CDYL2: variants seen among roughly 807,000 people sequenced by gnomAD.
CDYL2 encodes chromodomain Y-like protein 2.
In CDYL2, 23 loss-of-function variants were observed where a neutral mutation model predicts 49.4. That is an observed-to-expected ratio of 0.47 (90% CI 0.34 to 0.66). The LOEUF (loss-of-function observed/expected upper bound fraction) is 0.66. Ranked by LOEUF, CDYL2 falls within the 30% of genes least tolerant of loss-of-function variation. CDYL2 has a pLI of 0.01. For synonymous variants in CDYL2, 360 were observed against 268.8 expected (o/e 1.34, Z -3.32); for missense variants, 678 against 656.4 (o/e 1.03, Z -0.36).
chr16:80,638,677 T>A (rs148924383), intron 2 of CDYL2, among the ~76,000 whole-genome samples: 1 of 152,108 alleles, frequency 6.6e-6, no homozygotes, highest in Non-Finnish European at 1.5e-5. Flanking sequence ...CACAGCAATA[T>A]ACCGAGGTGA....
At chr16:80,684,087 A>T (rs898890930) in intron 2 of CDYL2, among the ~76,000 whole-genome samples, 1 of 152,076 alleles carries the variant, frequency 6.6e-6, no homozygotes, top group African/African-American at 2.4e-5. Flanking sequence ...ACGGACCCCA[A>T]CCCAGACCCT....
At chr16:80,650,512 T>A (rs1478443333) in intron 2 of CDYL2, among the ~76,000 whole-genome samples, 1 of 152,190 alleles carries the variant, frequency 6.6e-6, no homozygotes, top group Non-Finnish European at 1.5e-5. Flanking sequence ...TCTCACACAC[T>A]GTTGGTGGGA....
chr16:80,735,751 C>T (rs1459791616), intron 1 of CDYL2, among the ~76,000 whole-genome samples: 1 of 152,192 alleles, frequency 6.6e-6, no homozygotes, highest in African/African-American at 2.4e-5. Context: ...TACTCTGAAG[C>T]CATGGCACTG....
At chr16:80,726,983 G>C (rs1231758938) in intron 1 of CDYL2, among the ~76,000 whole-genome samples, 2 of 152,212 alleles carry the variant, frequency 1.3e-5, no homozygotes, top group Non-Finnish European at 2.9e-5. Flanking sequence ...CTACCCAAGA[G>C]ACTGATGTGG....
At chr16:80,800,736 T>C (rs996960088) in intron 1 of CDYL2, among the ~76,000 whole-genome samples, 14 of 152,034 alleles carry the variant, frequency 9.2e-5, no homozygotes, top group African/African-American at 2.4e-5. Flanking sequence ...AAGGGTACTT[T>C]ATATACTTAA....
At chr16:80,671,949 T>A (rs72806175) in intron 2 of CDYL2, among the ~76,000 whole-genome samples, 3,631 of 152,264 alleles carry the variant, frequency 0.024, 61 homozygotes, top group Middle Eastern at 0.037. Flanking sequence ...GCTACATAAA[T>A]CAAATATTGC....
At chr16:80,762,776 T>G (rs1413666222) in intron 1 of CDYL2, among the ~76,000 whole-genome samples, 1 of 152,162 alleles carries the variant, frequency 6.6e-6, no homozygotes, top group African/African-American at 2.4e-5. Context: ...CTCTGCCTTC[T>G]TGTTTGAGCT....
chr16:80,628,470 G>T (rs1003585680), intron 3 of CDYL2: 1 of 152,370 alleles, frequency 6.6e-6, no homozygotes, highest in East Asian at 1.9e-4. Context: ...CAACAACCAC[G>T]TGGGTGAGCT....
intron 2 of CDYL2, among the ~76,000 whole-genome samples, chr16:80,673,990 G>C (rs1212520904): frequency 6.6e-6 from 1 of 152,164 alleles, no homozygotes; most frequent in Non-Finnish European, 1.5e-5. Context: ...CAAGGAAATG[G>C]ATTCTCCCAC....
At chr16:80,763,186 C>T (rs943903214) in intron 1 of CDYL2, among the ~76,000 whole-genome samples, 1 of 152,128 alleles carries the variant, frequency 6.6e-6, no homozygotes, top group African/African-American at 2.4e-5. Flanking sequence ...AACGATTCAG[C>T]ATTTGCTAAT....
chr16:80,712,056 T>G (rs1904620397), intron 1 of CDYL2, among the ~76,000 whole-genome samples: 1 of 150,438 alleles, frequency 6.6e-6, no homozygotes, highest in South Asian at 2.1e-4. Flanking sequence ...TATATAGATG[T>G]GTGTGTATAG....
At chr16:80,607,524 G>T (rs531212344) in intron 6 of CDYL2, among the ~76,000 whole-genome samples, 1 of 152,186 alleles carries the variant, frequency 6.6e-6, no homozygotes, top group Non-Finnish European at 1.5e-5. Flanking sequence ...CTTCCCACAG[G>T]ATATTCCCCT....
intron 3 of CDYL2, among the ~76,000 whole-genome samples, chr16:80,629,387 G>A (rs1218347963): frequency 6.6e-6 from 1 of 152,186 alleles, no homozygotes; most frequent in Non-Finnish European, 1.5e-5. Context: ...AAGAATAAAG[G>A]TGAACCGGCC....
At chr16:80,635,852 G>A (rs1567549976) in intron 2 of CDYL2, among the ~76,000 whole-genome samples, 1 of 152,120 alleles carries the variant, frequency 6.6e-6, no homozygotes, top group East Asian at 1.9e-4. Flanking sequence ...CATGGTACTG[G>A]TACCAAAACA....
intron 2 of CDYL2, among the ~76,000 whole-genome samples, chr16:80,638,964 T>TA (rs1192698667): frequency 2.0e-5 from 3 of 152,084 alleles, no homozygotes; most frequent in Non-Finnish European, 4.4e-5. Flanking sequence ...ATCCGTGAAA[T>TA]AAAAAATTTT....
At position 80,606,994 on chromosome 16, in the gene CDYL2, A is replaced by T. The variant is rs555031428; in HGVS notation, c.1362+1098T>A. On this transcript the variant is annotated intron_variant, in intron 6 of 6. Coordinates refer to ENST00000570137, the MANE Select transcript of CDYL2 (RefSeq NM_152342.4). ...CAGTCTCGGGTATGTCTTTATCAGC[A>T]GCGTGAGAACAATAGGGTTTCCTGG... Among the ~76,000 whole-genome samples, 228 of 152,336 alleles carry T rather than the reference A, an allele frequency of 1.5e-3. 4 individuals are homozygous for T. The South Asian group carries it at 0.016, about 11-fold the overall frequency.
chr16:80,648,485 T>C (rs917001853), intron 2 of CDYL2, among the ~76,000 whole-genome samples: 1 of 151,926 alleles, frequency 6.6e-6, no homozygotes, highest in Non-Finnish European at 1.5e-5. Context: ...CAATAACAAG[T>C]AGCGATATCA....
chr16:80,717,237 T>C (rs1162147590), intron 1 of CDYL2, among the ~76,000 whole-genome samples: 1 of 152,176 alleles, frequency 6.6e-6, no homozygotes, highest in Non-Finnish European at 1.5e-5. Flanking sequence ...ATTCTTACTA[T>C]TCAACTTTAG....
intron 1 of CDYL2, among the ~76,000 whole-genome samples, chr16:80,768,237 A>C (rs769775181): frequency 2.0e-5 from 3 of 152,120 alleles, no homozygotes; most frequent in Non-Finnish European, 2.9e-5. Flanking sequence ...CGAAACTTGG[A>C]ATTCCCCTCC....
Sources: gnomAD v4.1 joint callset for allele counts (sites outside exome capture counted in the v4.1 genomes callset) on GRCh38, gnomAD v4.1.1 for gene constraint, MANE v1.5 for transcripts, NCBI Gene and HGNC (gene_info 2026-07-23, HGNC 2026-07-21) for gene names.